NSMCE4A: variants seen among roughly 807,000 people sequenced by gnomAD.
NSMCE4A encodes NSE4A component of SMC5/6 complex.
A neutral mutation model predicts 47.9 loss-of-function variants in NSMCE4A; 40 were observed. The observed-to-expected ratio is 0.83, with a 90% CI of 0.65 to 1.09. NSMCE4A has a LOEUF of 1.09. Among genes scored for constraint, NSMCE4A ranks in the 50% least tolerant of loss-of-function variants. The pLI is 0.00. For missense variants in NSMCE4A, 500 were observed against 507.0 expected, an observed-to-expected ratio of 0.99 and a Z score of 0.13; for synonymous variants, 166 against 178.5, an observed-to-expected ratio of 0.93 and a Z score of 0.56.
intron 3 of NSMCE4A, among the ~76,000 whole-genome samples, chr10:121,968,700 G>A (rs151016056): frequency 5.0e-4 from 76 of 152,108 alleles, no homozygotes; most frequent in African/African-American, 1.8e-3. Context: ...ATCCAATTAC[G>A]ATGGCAATAT....
intron 7 of NSMCE4A, among the ~76,000 whole-genome samples, chr10:121,961,057 A>G (rs1042915552): frequency 4.6e-5 from 7 of 152,214 alleles, no homozygotes; most frequent in African/African-American, 7.2e-5. Flanking sequence ...TGAGAATGAT[A>G]GGCGGCCTGC....
intron 3 of NSMCE4A, among the ~76,000 whole-genome samples, chr10:121,970,582 TC>T (rs747675907): frequency 6.6e-6 from 1 of 151,734 alleles, no homozygotes; most frequent in Non-Finnish European, 1.5e-5. Context: ...CTAACTCAAT[TC>T]CAGCTGAGCT....
intron 5 of NSMCE4A, 70 bp from the exon 6 acceptor site, chr10:121,963,398 A>G: frequency 2.4e-6 from 2 of 821,962 alleles, no homozygotes; most frequent in Non-Finnish European, 4.0e-6. Flanking sequence ...TCTCTTGCAC[A>G]CCCAAACTCC....
intron 6 of NSMCE4A, among the ~76,000 whole-genome samples, chr10:121,962,607 G>GA (rs1952522489): frequency 2.8e-5 from 2 of 71,604 alleles, no homozygotes; most frequent in African/African-American, 1.1e-4. Context: ...TGGAAAAAAA[G>GA]AAAAAAACAA....
intron 3 of NSMCE4A, among the ~76,000 whole-genome samples, chr10:121,969,897 G>A (rs574533116): frequency 5.3e-5 from 8 of 152,098 alleles, no homozygotes; most frequent in South Asian, 4.2e-4. Flanking sequence ...TCTATTTTTA[G>A]TAGAGACGGG....
At chr10:121,959,722 T>G (rs1952464202) in intron 8 of NSMCE4A, 127 bp from the exon 9 acceptor site, 1 of 653,372 alleles carries the variant, frequency 1.5e-6, no homozygotes, top group Non-Finnish European at 2.6e-6. Context: ...ATTACATACT[T>G]TTTAGGATTT....
intron 5 of NSMCE4A, among the ~76,000 whole-genome samples, chr10:121,964,512 C>T (rs1431898776): frequency 6.6e-6 from 1 of 151,896 alleles, no homozygotes; most frequent in African/African-American, 2.4e-5. Context: ...GGCATGATCT[C>T]GGCTCAGTGC....
At chr10:121,958,001 G>A (rs768693067) in intron 10 of NSMCE4A, among the ~76,000 whole-genome samples, 2 of 151,834 alleles carry the variant, frequency 1.3e-5, no homozygotes, top group Admixed American at 6.6e-5. Context: ...AGGCCGAGGC[G>A]GGCGGACCAC....
chr10:121,964,095 C>A (rs866170907), intron 5 of NSMCE4A, among the ~76,000 whole-genome samples: 436 of 117,000 alleles, frequency 3.7e-3, no homozygotes, highest in Middle Eastern at 5.4e-3. Context: ...GACTCTGTCT[C>A]AAAAAAAATT....
intron 6 of NSMCE4A, chr10:121,962,084 T>C: frequency 2.6e-6 from 1 of 384,996 alleles, no homozygotes. Context: ...CATTCCAGTC[T>C]GGGCGAAAGA....
At position 121,967,709 on chromosome 10, in the gene NSMCE4A, A is replaced by G; in HGVS notation, c.599T>C (p.Ile200Thr). ...FEFIVYDSWK[I>T]TGRTAENTFN... ...GGTGTTTTCTGCTGTTCTGCCTGTT[A>G]TCTTCCAGGAGTCATAGACTATGAA... The change falls in exon 4 of 11, where the codon ATA becomes ACA. Residue 200 changes from isoleucine (I) to threonine (T), a missense_variant. Coordinates refer to ENST00000369023, the MANE Select transcript of NSMCE4A (RefSeq NM_017615.3). The G allele has an allele frequency of 1.2e-6, 2 of 1,614,062 alleles. No individual in the cohort carries two copies. Among genetic ancestry groups the G allele is most frequent in the East Asian group, 4.5e-5 (2 of 44,884 alleles).
At chr10:121,971,176 A>AT in intron 2 of NSMCE4A, 107 bp from the exon 3 acceptor site, 2 of 1,098,956 alleles carry the variant, frequency 1.8e-6, no homozygotes, top group African/African-American at 1.6e-5. Flanking sequence ...GGACTAAAAA[A>AT]AAAAAAAAAT....
chr10:121,968,473 AC>A (rs1411267855), intron 3 of NSMCE4A, among the ~76,000 whole-genome samples: 3 of 152,178 alleles, frequency 2.0e-5, no homozygotes, highest in African/African-American at 7.2e-5. Context: ...CCAACCTCCT[AC>A]AAATCTCTAT....
At chr10:121,965,466 G>A in intron 4 of NSMCE4A, 81 bp from the exon 5 acceptor site, 1 of 1,023,086 alleles carries the variant, frequency 9.8e-7, no homozygotes, top group South Asian at 1.4e-5. Context: ...AAAGTAGTTT[G>A]CATGGTATAG....
rs567872736 is a variant in NSMCE4A, at chr10:121,975,051, G to C, written c.115C>G (p.Arg39Gly). 6.8e-7 allele frequency: 1 copy of C among 1,464,348 alleles called. No homozygotes were observed. Among genetic ancestry groups the C allele is most frequent in the African/African-American group, 1.5e-5 (1 of 67,252 alleles). The allele number at this position is 1,464,348 out of a possible 1,614,324, so 90.7% of individuals were successfully genotyped here. A position where few individuals can be genotyped will look rare whatever the true frequency, so the allele number is the denominator to read the frequency against. Residue 39 changes from arginine (R) to glycine (G), a missense_variant, in exon 1 of 11, where the codon CGC (arginine) becomes GGC (glycine). Physicochemically the swap from Arg to Gly is moderately radical, Grantham distance 125. Transcript: ENST00000369023. ...CTGCGCTCCCGCGCAGAGCCGCGGC[G>C]GGACCTGGGCGACAAAGGGGACCGC... ...RSRSPLSPRS[R>G]RGSARERREA...
rs1018799267 is a variant in NSMCE4A at position 121,975,148 on chromosome 10, G to C, written c.18C>G (p.Ser6Arg). 2.1e-6 allele frequency: 3 copies of C among 1,403,386 alleles called. No individual in the cohort carries two copies. Among genetic ancestry groups the C allele is most frequent in the African/African-American group, 3.0e-5 (2 of 65,584 alleles). 86.9% of individuals were successfully genotyped at this position (1,403,386 alleles called of 1,614,324 possible). A position where few individuals can be genotyped will look rare whatever the true frequency, so the allele number is the denominator to read the frequency against. The change falls in exon 1 of 11, where the codon AGC (serine) becomes AGG (arginine). Residue 6 changes from serine to arginine, a missense_variant. Coordinates refer to ENST00000369023, the MANE Select transcript of NSMCE4A (RefSeq NM_017615.3). ...GGCCCCGGCCCTCTGGCCCGCGGCC[G>C]CTGCTGTCCCCAGACATAGCGCCAA... MSGDS[S>R]GRGPEGRGRG...
intron 2 of NSMCE4A, 64 bp from the exon 3 acceptor site, chr10:121,971,133 T>A: frequency 7.3e-7 from 1 of 1,376,868 alleles, no homozygotes; most frequent in Non-Finnish European, 9.8e-7. Flanking sequence ...ACTTTTTCCC[T>A]ACATTTCCAA....
chr10:121,961,969 G>A, intron 6 of NSMCE4A: 1 of 258,294 alleles, frequency 3.9e-6, no homozygotes. Context: ...TTAGCCAGAT[G>A]TGGTGGCGCG....
chr10:121,968,966 C>T (rs904914417), intron 3 of NSMCE4A, among the ~76,000 whole-genome samples: 20 of 152,202 alleles, frequency 1.3e-4, no homozygotes, highest in African/African-American at 4.6e-4. Flanking sequence ...AAGTCTTCTC[C>T]ACCCAGAGAC....
Sources: allele counts gnomAD v4.1 joint callset (sites outside exome capture counted in the v4.1 genomes callset), GRCh38; gene constraint gnomAD v4.1.1; transcripts MANE v1.5; gene names NCBI Gene and HGNC (gene_info 2026-07-23, HGNC 2026-07-21).